STARD13: variants seen among roughly 807,000 people sequenced by gnomAD.
STARD13 encodes StAR related lipid transfer domain containing 13, also known as stAR-related lipid transfer protein 13.
STARD13 carries 62 observed loss-of-function variants against 106.4 expected under a neutral mutation model. The observed-to-expected ratio is 0.58, with a 90% CI of 0.48 to 0.72. The LOEUF (loss-of-function observed/expected upper bound fraction) is 0.72, where lower values mean the gene tolerates loss of function less well. STARD13 is among the 30% of genes least tolerant of loss of function. The pLI is 0.00. For synonymous variants in STARD13, 565 were observed against 553.0 expected (o/e 1.02, Z -0.31); for missense variants, 1,387 against 1,424.0 (o/e 0.97, Z 0.42).
At chr13:33,671,127 A>AT in the STARD13 span, among the ~76,000 whole-genome samples, 1 of 152,130 alleles carries the variant, frequency 6.6e-6, no homozygotes, top group Non-Finnish European at 1.5e-5. Flanking sequence ...CAATAGTTTG[A>AT]TTTTTTATTT....
chr13:33,562,791 C>G, the STARD13 span, among the ~76,000 whole-genome samples: 2 of 146,292 alleles, frequency 1.4e-5, no homozygotes, highest in Admixed American at 1.4e-4. Flanking sequence ...TAATTAAAAG[C>G]AAAATTATAT....
chr13:33,548,658 G>A, the STARD13 span, among the ~76,000 whole-genome samples: 1 of 152,108 alleles, frequency 6.6e-6, no homozygotes, highest in African/African-American at 2.4e-5. Flanking sequence ...TGCTTAAGAA[G>A]ATTATACCAC....
chr13:33,186,099 A>G (rs554562887), intron 1 of STARD13: 1 of 1,559,794 alleles, frequency 6.4e-7, no homozygotes, highest in East Asian at 2.3e-5. Context: ...AGTGGAGAGG[A>G]ACCTCACTGC....
the STARD13 span, among the ~76,000 whole-genome samples, chr13:33,359,307 C>T: frequency 5.3e-5 from 8 of 151,988 alleles, no homozygotes; most frequent in African/African-American, 7.3e-5. Flanking sequence ...ACTCCAGACG[C>T]GCTGCCTTAA....
intron 1 of STARD13, among the ~76,000 whole-genome samples, chr13:33,315,956 G>T (rs1428840023): frequency 6.6e-6 from 1 of 151,994 alleles, no homozygotes. Context: ...TGCGCACAGG[G>T]GTTACTGTGT....
the STARD13 span, among the ~76,000 whole-genome samples, chr13:33,566,038 A>G: frequency 6.7e-6 from 1 of 148,438 alleles, no homozygotes; most frequent in Non-Finnish European, 1.5e-5. Context: ...TAAATGAGGA[A>G]TTCCAGAAAT....
At chr13:33,404,417 A>T in the STARD13 span, among the ~76,000 whole-genome samples, 1 of 152,224 alleles carries the variant, frequency 6.6e-6, no homozygotes, top group Non-Finnish European at 1.5e-5. Context: ...GAGTCTGACT[A>T]ATGGAAGAAA....
At chr13:33,664,368 G>A in the STARD13 span, among the ~76,000 whole-genome samples, 1 of 152,102 alleles carries the variant, frequency 6.6e-6, no homozygotes, top group South Asian at 2.1e-4. Flanking sequence ...AGAATACATC[G>A]GCAGCAGGGG....
At chr13:33,254,806 G>A (rs1204451649) in intron 1 of STARD13, among the ~76,000 whole-genome samples, 3 of 152,254 alleles carry the variant, frequency 2.0e-5, no homozygotes, top group Non-Finnish European at 2.9e-5. Flanking sequence ...AGGGAAGATC[G>A]TGTTCCCACT....
At chr13:33,429,967 G>C in the STARD13 span, among the ~76,000 whole-genome samples, 35 of 151,650 alleles carry the variant, frequency 2.3e-4, no homozygotes, top group East Asian at 5.8e-3. Context: ...GCCCAGGCTG[G>C]AGTGCAGTGG....
intron 7 of STARD13, 123 bp downstream of exon 7, chr13:33,125,958 C>T: frequency 1.1e-6 from 1 of 935,542 alleles, no homozygotes; most frequent in South Asian, 1.7e-5. Flanking sequence ...GTCACAATGC[C>T]TTTTATTTTT....
At chr13:33,473,366 A>C in the STARD13 span, among the ~76,000 whole-genome samples, 10 of 152,228 alleles carry the variant, frequency 6.6e-5, no homozygotes. Context: ...TTACAGAGCT[A>C]GTAAGTGTCA....
At chr13:33,350,312 G>A (rs2078063390) in exon 1 of STARD13, 1 of 1,532,782 alleles carries the variant, frequency 6.5e-7, no homozygotes, top group Non-Finnish European at 8.7e-7. Context: ...TCTCCCGGAC[G>A]TTCTTCCACA....
intron 1 of STARD13, among the ~76,000 whole-genome samples, chr13:33,219,017 C>A (rs753446153): frequency 2.6e-5 from 4 of 152,092 alleles, no homozygotes; most frequent in Non-Finnish European, 5.9e-5. Flanking sequence ...ATCTACAGGG[C>A]GTCTTCCCTT....
the STARD13 span, among the ~76,000 whole-genome samples, chr13:33,573,857 C>T: frequency 6.6e-6 from 1 of 152,126 alleles, no homozygotes; most frequent in Non-Finnish European, 1.5e-5. Flanking sequence ...ACCCTGTCTT[C>T]AGGCATTTAA....
At chr13:33,488,050 C>T in the STARD13 span, among the ~76,000 whole-genome samples, 1 of 152,140 alleles carries the variant, frequency 6.6e-6, no homozygotes, top group Non-Finnish European at 1.5e-5. Context: ...ACTGCCCTCT[C>T]CTGGTTCTTG....
At chr13:33,346,755 G>T (rs1307553821), downstream of STARD13, among the ~76,000 whole-genome samples, 1 of 151,674 alleles carries the variant, frequency 6.6e-6, no homozygotes, top group Non-Finnish European at 1.5e-5. Context: ...TCAGCCTCCT[G>T]AGTAGCTGGG....
intron 5 of STARD13, among the ~76,000 whole-genome samples, 188 bp from the exon 6 acceptor site, chr13:33,127,734 ATCTGGAAAAAG>A (rs1877425388): frequency 6.6e-6 from 1 of 152,214 alleles, no homozygotes; most frequent in Non-Finnish European, 1.5e-5. Context: ...AGTCAGATAA[ATCTGGAAAAAG>A]TCTTATTATC....
At chr13:33,223,954 C>T (rs1888486177) in intron 1 of STARD13, among the ~76,000 whole-genome samples, 1 of 152,064 alleles carries the variant, frequency 6.6e-6, no homozygotes, top group Non-Finnish European at 1.5e-5. Flanking sequence ...TTTAGGAATT[C>T]CCTAGATCAC....
Sources: gnomAD v4.1 joint callset for allele counts (sites outside exome capture counted in the v4.1 genomes callset) on GRCh38, gnomAD v4.1.1 for gene constraint, MANE v1.5 for transcripts, NCBI Gene and HGNC (gene_info 2026-07-23, HGNC 2026-07-21) for gene names.